Variants in PIN1 observed in about 807,000 individuals in gnomAD.
The protein encoded by PIN1 is peptidylprolyl cis/trans isomerase, NIMA-interacting 1.
PIN1 carries 8 observed loss-of-function variants against 19.9 expected under a neutral mutation model. The observed-to-expected ratio is 0.40, with a 90% CI of 0.24 to 0.72. The LOEUF is 0.72. PIN1 is among the 30% of genes least tolerant of loss of function. The pLI is 0.37. For synonymous variants in PIN1, 86 were observed against 90.8 expected (o/e 0.95, Z 0.30); for missense variants, 185 against 226.5 (o/e 0.82, Z 1.18).
intron 2 of PIN1, 134 bp from the exon 3 acceptor site, chr19:9,847,896 G>C (rs2145419309): frequency 1.4e-6 from 1 of 700,380 alleles, no homozygotes; most frequent in African/African-American, 1.7e-5. Context: ...TGGGGAGCAT[G>C]TGCGCCTGTG....
intron 1 of PIN1, chr19:9,837,273 C>T (rs1431495485): frequency 1.2e-5 from 2 of 172,864 alleles, no homozygotes; most frequent in East Asian, 1.7e-4. Context: ...CCTGCCTCAG[C>T]CTCCCGAGTA....
chr19:9,847,577 C>A (rs1051118438), intron 2 of PIN1, among the ~76,000 whole-genome samples: 7 of 152,206 alleles, frequency 4.6e-5, no homozygotes, highest in Non-Finnish European at 1.0e-4. Flanking sequence ...CTGGACAGCT[C>A]TCCCACCTCT....
intron 2 of PIN1, among the ~76,000 whole-genome samples, chr19:9,843,328 G>T (rs777689004): frequency 6.6e-6 from 1 of 152,256 alleles, no homozygotes; most frequent in Non-Finnish European, 1.5e-5. Context: ...GGTCTTCTCA[G>T]ATCTGACCCT....
chr19:9,844,993 A>G (rs1418166699), intron 2 of PIN1, among the ~76,000 whole-genome samples: 1 of 152,176 alleles, frequency 6.6e-6, no homozygotes, highest in East Asian at 1.9e-4. Flanking sequence ...CAACACACCA[A>G]TGGGACGGTA....
At position 9,839,388 on chromosome 19, in the gene PIN1, C is replaced by G. The variant is rs186503066; in HGVS notation, c.271+740C>G. On this transcript the variant is annotated intron_variant, in intron 2 of 3. Transcript: ENST00000247970. Reference sequence around the variant, plus strand: ...CCGAGATCGCACCACTCCACTCCAGCCTGGGCAGCAAAGTGAGGCACCATC... The same window carrying G: ...CCGAGATCGCACCACTCCACTCCAGGCTGGGCAGCAAAGTGAGGCACCATC... 3.5e-4 allele frequency among the ~76,000 whole-genome samples: 53 copies of G among 150,798 alleles called. No homozygotes were observed. In the East Asian group the frequency reaches 9.8e-3, roughly 28 times the overall value.
At chr19:9,845,437 G>A (rs977089745) in intron 2 of PIN1, among the ~76,000 whole-genome samples, 4 of 151,446 alleles carry the variant, frequency 2.6e-5, no homozygotes, top group African/African-American at 7.3e-5. Context: ...TGTTGCCCAC[G>A]CTGGAGTGCA....
intron 3 of PIN1, chr19:9,848,369 G>C: frequency 1.8e-6 from 1 of 557,274 alleles, no homozygotes; most frequent in Non-Finnish European, 3.2e-6. Flanking sequence ...CTCTACCCTG[G>C]GGGGCATGGT....
rs775561444 is a variant in PIN1, at chr19:9,848,191, G to A, written c.382+51G>A. The A allele has an allele frequency of 1.4e-5, 16 of 1,124,376 alleles. No homozygotes were observed. In the East Asian group the frequency reaches 2.8e-4, roughly 20 times the overall value. The allele number at this position is 1,124,376 out of a possible 1,614,324, so 69.6% of individuals were successfully genotyped here. Reference sequence around the variant, plus strand: ...GTTGGGGGACCCTTACCACCCTGAGGGGTAGAGGCCAGGAGGGTCTGGGCA... The same window carrying A: ...GTTGGGGGACCCTTACCACCCTGAGAGGTAGAGGCCAGGAGGGTCTGGGCA... On this transcript the variant is annotated intron_variant, in intron 3 of 3. Transcript: ENST00000247970.
intron 3 of PIN1, 126 bp from the exon 4 acceptor site, chr19:9,848,964 A>G (rs1599456709): frequency 1.5e-6 from 1 of 654,156 alleles, no homozygotes; most frequent in Non-Finnish European, 2.8e-6. Flanking sequence ...GTGACGGATG[A>G]GTGTGGACGA....
intron 2 of PIN1, among the ~76,000 whole-genome samples, chr19:9,844,217 G>T (rs1009433286): frequency 6.6e-6 from 1 of 151,154 alleles, no homozygotes; most frequent in Admixed American, 6.6e-5. Context: ...ATAACGGATG[G>T]GCAGCTTGGA....
At chr19:9,847,890 G>C (rs2046236476) in intron 2 of PIN1, 140 bp from the exon 3 acceptor site, 4 of 690,522 alleles carry the variant, frequency 5.8e-6, no homozygotes, top group Non-Finnish European at 7.9e-6. Context: ...GGGTTGTGGG[G>C]AGCATGTGCG....
intron 2 of PIN1, among the ~76,000 whole-genome samples, chr19:9,845,872 C>G (rs1208412123): frequency 6.6e-6 from 1 of 152,144 alleles, no homozygotes; most frequent in Non-Finnish European, 1.5e-5. Flanking sequence ...GATGCTTGTT[C>G]AGGGCCTGGG....
intron 2 of PIN1, among the ~76,000 whole-genome samples, chr19:9,839,777 G>A (rs1296301733): frequency 6.6e-6 from 1 of 152,182 alleles, no homozygotes; most frequent in Non-Finnish European, 1.5e-5. Context: ...TGTGCGGGAG[G>A]ATCACTTGAG....
At chr19:9,845,954 A>C (rs915425228) in intron 2 of PIN1, among the ~76,000 whole-genome samples, 1 of 151,970 alleles carries the variant, frequency 6.6e-6, no homozygotes, top group Non-Finnish European at 1.5e-5. Flanking sequence ...CTCTGGGGGC[A>C]CCGTGCGATC....
chr19:9,836,546 A>G, intron 1 of PIN1: 3 of 256,038 alleles, frequency 1.2e-5, no homozygotes, highest in Non-Finnish European at 2.4e-5. Flanking sequence ...GTTTCTGCTC[A>G]GTTCAACCCT....
At chr19:9,836,926 C>G in intron 1 of PIN1, 1 of 1,028,012 alleles carries the variant, frequency 9.7e-7, no homozygotes, top group Non-Finnish European at 1.3e-6. Context: ...AAGGCTATCC[C>G]ACTCTTAATG....
chr19:9,849,529 C>T lies in PIN1; in HGVS notation c.*330C>T, dbSNP rs537029594. The stretch of plus-strand genomic sequence containing the variant: ...GTCAGCAGAGCCGCCCCGTGTCCCC[C>T]CAGGTGCTGGAGGCAGACTCGAGGG... On this transcript the variant is annotated 3_prime_UTR_variant, in exon 4 of 4. Transcript: ENST00000247970. The T allele has an allele frequency of 1.7e-5, 11 of 634,798 alleles. No homozygotes were observed. In the East Asian group the frequency reaches 3.5e-4, roughly 20 times the overall value. 39.3% of individuals were successfully genotyped at this position (634,798 alleles called of 1,614,324 possible). A position where few individuals can be genotyped will look rare whatever the true frequency, so the allele number is the denominator to read the frequency against.
Position 9,846,388 on chromosome 19 carries a change from G to A in PIN1, c.272-1642G>A, listed in dbSNP as rs369221980. Among the ~76,000 whole-genome samples the A allele has an allele frequency of 5.9e-5, 9 of 152,166 alleles. No homozygotes were observed. The highest frequency in any genetic ancestry group is 1.9e-4 in the East Asian group (1 of 5,182). ...AGGGACGTTGGTCAGGGTCCTGCTCGGTGCCGGGCACTATGCTGCATGTCA... is the reference window on the plus strand; with the variant it reads ...AGGGACGTTGGTCAGGGTCCTGCTCAGTGCCGGGCACTATGCTGCATGTCA... On this transcript the variant is annotated intron_variant, in intron 2 of 3. Transcript: ENST00000247970. This position sits in a 1 kb window ranked among gnomAD's most constrained non-coding sequence, Gnocchi z 5.9.
rs1334279248 is a variant in PIN1 at position 9,846,924 on chromosome 19, G to A, written c.272-1106G>A. 1.3e-5 allele frequency among the ~76,000 whole-genome samples: 2 copies of A among 152,136 alleles called. No individual in the cohort carries two copies. The highest frequency in any genetic ancestry group is 1.3e-4 in the Admixed American group (2 of 15,278). The stretch of plus-strand genomic sequence containing the variant: ...GTGGCTGCCAGGCCTTAGGGTACAC[G>A]GGGCGGGTGCAGTTCACCCAGAGGG... On this transcript the variant is annotated intron_variant, in intron 2 of 3. Transcript: ENST00000247970. This position sits in a 1 kb window ranked among gnomAD's most constrained non-coding sequence, Gnocchi z 5.9.
Sources: allele counts gnomAD v4.1 joint callset (sites outside exome capture counted in the v4.1 genomes callset), GRCh38; gene constraint gnomAD v4.1.1; non-coding constraint Gnocchi (gnomAD v3.1); transcripts MANE v1.5; gene names NCBI Gene and HGNC (gene_info 2026-07-23, HGNC 2026-07-21).